GRIN2B: variants seen among roughly 807,000 people sequenced by gnomAD.
GRIN2B encodes glutamate ionotropic receptor NMDA type subunit 2B.
Under a neutral mutation model 114.5 loss-of-function variants are expected in GRIN2B, and 5 were observed. The observed-to-expected ratio is 0.04, with a 90% confidence interval of 0.02 to 0.09. The LOEUF (loss-of-function observed/expected upper bound fraction) is 0.09, where lower values mean the gene tolerates loss of function less well. Among genes scored for constraint, GRIN2B ranks in the 10% least tolerant of loss-of-function variants. The probability of loss-of-function intolerance (pLI) is 1.00; values close to 1 mark genes in which losing one functional copy is unlikely to be tolerated. For missense variants in GRIN2B, 1,108 were observed against 1,943.5 expected (o/e 0.57, Z 8.08); for synonymous variants, 787 against 745.1 (o/e 1.06, Z -0.92).
chr12:13,571,746 T>A, intron 11 of GRIN2B, 58 bp downstream of exon 11: 1 of 1,562,572 alleles, frequency 6.4e-7, no homozygotes, highest in Non-Finnish European at 8.8e-7. Flanking sequence ...GATTCAATAG[T>A]ATGCTTAATA....
chr12:13,858,739 T>G (rs1309315056), intron 3 of GRIN2B, among the ~76,000 whole-genome samples: 1 of 152,206 alleles, frequency 6.6e-6, no homozygotes, highest in Non-Finnish European at 1.5e-5. Flanking sequence ...TTCCGTTATG[T>G]TTTTAGAAAA....
intron 3 of GRIN2B, among the ~76,000 whole-genome samples, chr12:13,795,716 A>G (rs1021279458): frequency 3.2e-4 from 48 of 152,222 alleles, no homozygotes; most frequent in African/African-American, 1.1e-3. Flanking sequence ...GATTAAGAAA[A>G]TGTGGCGCAT....
rs745373894 is a variant in GRIN2B at position 13,619,537 on chromosome 12, CA to C, written c.1126-2881del. Among the ~76,000 whole-genome samples, 82 of 152,310 alleles carry C rather than the reference CA, an allele frequency of 5.4e-4. 1 individual carries two copies. Among genetic ancestry groups the C allele is most frequent in the Admixed American group, 9.1e-4 (14 of 15,302 alleles). ...AGTTTGTTCACGCAGTTCCCTCTAT[CA>C]CACCCTTTCCCAACTTCTACCAAGT... is the stretch of plus-strand genomic sequence containing the variant. On this transcript the variant is annotated intron_variant, in intron 5 of 13. Coordinates refer to ENST00000609686, the MANE Select transcript of GRIN2B (RefSeq NM_000834.5).
intron 3 of GRIN2B, among the ~76,000 whole-genome samples, chr12:13,822,165 T>G (rs1459167629): frequency 6.6e-6 from 1 of 152,124 alleles, no homozygotes; most frequent in Non-Finnish European, 1.5e-5. Context: ...TTTGGATGTG[T>G]GCAAAAAGAG....
chr12:13,921,844 A>G (rs956186557), intron 2 of GRIN2B, among the ~76,000 whole-genome samples: 7 of 152,134 alleles, frequency 4.6e-5, no homozygotes, highest in Admixed American at 2.0e-4. Flanking sequence ...CGATAGATAT[A>G]TTATTCCCTG....
At chr12:13,923,126 G>A (rs1866851089) in intron 2 of GRIN2B, among the ~76,000 whole-genome samples, 1 of 151,006 alleles carries the variant, frequency 6.6e-6, no homozygotes, top group Non-Finnish European at 1.5e-5. Flanking sequence ...TATTTTATAT[G>A]AGCTGCAAAA....
chr12:13,896,112 CAG>C (rs1249972158), intron 2 of GRIN2B, among the ~76,000 whole-genome samples: 3 of 151,992 alleles, frequency 2.0e-5, no homozygotes, highest in Non-Finnish European at 4.4e-5. Context: ...AGTACACAAA[CAG>C]AGGATCGCAG....
chr12:13,814,824 T>G (rs1366710108), intron 3 of GRIN2B, among the ~76,000 whole-genome samples: 2 of 152,306 alleles, frequency 1.3e-5, no homozygotes, highest in Admixed American at 6.5e-5. Context: ...AATAGCCACA[T>G]TTGGCTAGTG....
At chr12:13,576,806 G>A (rs777898180) in intron 10 of GRIN2B, among the ~76,000 whole-genome samples, 1 of 152,178 alleles carries the variant, frequency 6.6e-6, no homozygotes, top group Non-Finnish European at 1.5e-5. Context: ...GCTCTGCTCG[G>A]CCTCCCAAGG....
chr12:13,930,479 A>G (rs1000653777), intron 2 of GRIN2B, among the ~76,000 whole-genome samples: 2 of 152,184 alleles, frequency 1.3e-5, no homozygotes, highest in African/African-American at 4.8e-5. Flanking sequence ...CCCACGCAAC[A>G]GCAGCATCCA....
intron 3 of GRIN2B, among the ~76,000 whole-genome samples, chr12:13,853,288 G>C (rs926034114): frequency 2.0e-5 from 3 of 152,126 alleles, no homozygotes; most frequent in Admixed American, 6.6e-5. Context: ...ACCTCAAATA[G>C]TTCCTAATAC....
At chr12:13,585,608 A>T (rs1402437956) in intron 10 of GRIN2B, among the ~76,000 whole-genome samples, 5 of 152,166 alleles carry the variant, frequency 3.3e-5, no homozygotes, top group Non-Finnish European at 7.4e-5. Flanking sequence ...TTGGTAAAGA[A>T]ACTTATGTAA....
intron 3 of GRIN2B, among the ~76,000 whole-genome samples, chr12:13,804,160 T>C (rs1479499004): frequency 6.6e-6 from 1 of 151,774 alleles, no homozygotes; most frequent in Non-Finnish European, 1.5e-5. Flanking sequence ...CAGCTCTCTT[T>C]TTTTTTTTTG....
intron 2 of GRIN2B, among the ~76,000 whole-genome samples, chr12:13,938,339 T>C (rs1205440630): frequency 6.6e-6 from 1 of 152,120 alleles, no homozygotes; most frequent in African/African-American, 2.4e-5. Flanking sequence ...GCATTTTAAA[T>C]ATAAAGGAAT....
chr12:13,656,632 T>C (rs1011442283), intron 5 of GRIN2B, among the ~76,000 whole-genome samples: 5 of 152,148 alleles, frequency 3.3e-5, no homozygotes, highest in African/African-American at 4.8e-5. Context: ...CAACCTCCCT[T>C]CCAAGCATCC....
intron 2 of GRIN2B, among the ~76,000 whole-genome samples, chr12:13,928,428 A>G (rs1406377775): frequency 6.6e-6 from 1 of 152,218 alleles, no homozygotes; most frequent in Non-Finnish European, 1.5e-5. Flanking sequence ...AACAATTCTA[A>G]TTCAGAAGAT....
chr12:13,897,145 G>A (rs1468664983), intron 2 of GRIN2B, among the ~76,000 whole-genome samples: 3 of 152,086 alleles, frequency 2.0e-5, no homozygotes, highest in Admixed American at 2.0e-4. Flanking sequence ...ATCGATAAAT[G>A]GACAAGAACT....
chr12:13,810,097 G>A (rs1014464107), intron 3 of GRIN2B, among the ~76,000 whole-genome samples: 14 of 151,980 alleles, frequency 9.2e-5, no homozygotes, highest in African/African-American at 3.4e-4. Flanking sequence ...TCGCTTCCAA[G>A]AGACCTTCCC....
chr12:13,595,772 GA>G (rs1198979927), intron 10 of GRIN2B, among the ~76,000 whole-genome samples: 3 of 152,366 alleles, frequency 2.0e-5, no homozygotes, highest in Admixed American at 2.0e-4. Context: ...CGAGGCAGGT[GA>G]GAGCGCCTCT....
Sources: allele counts gnomAD v4.1 joint callset (sites outside exome capture counted in the v4.1 genomes callset), GRCh38; gene constraint gnomAD v4.1.1; transcripts MANE v1.5; gene names NCBI Gene and HGNC (gene_info 2026-07-23, HGNC 2026-07-21).